NCALD: variants seen among roughly 807,000 people sequenced by gnomAD.
NCALD encodes the protein neurocalcin delta, also known as neurocalcin-delta.
NCALD carries 10 observed loss-of-function variants against 18.6 expected under a neutral mutation model. The ratio of observed to expected loss-of-function variants is 0.54; its 90% CI spans 0.33 to 0.91. The LOEUF is 0.91. Ranked by LOEUF, NCALD falls within the 40% of genes least tolerant of loss-of-function variation. NCALD has a pLI of 0.03. For missense variants in NCALD, 184 were observed against 247.6 expected, an observed-to-expected ratio of 0.74 and a Z score of 1.72; for synonymous variants, 88 against 87.4, an observed-to-expected ratio of 1.01 and a Z score of -0.04.
chr8:102,018,501 C>T (rs1400496274), intron 2 of NCALD, among the ~76,000 whole-genome samples: 1 of 152,014 alleles, frequency 6.6e-6, no homozygotes, highest in Non-Finnish European at 1.5e-5. Flanking sequence ...ACAAAGGCCA[C>T]GTAGTATGTG....
chr8:101,815,105 A>G (rs1026204628), intron 4 of NCALD, among the ~76,000 whole-genome samples: 1 of 152,120 alleles, frequency 6.6e-6, no homozygotes, highest in African/African-American at 2.4e-5. Flanking sequence ...TTTAGTGGAT[A>G]TTGACAAACT....
In NCALD at chr8:101,796,544, A is replaced by C. The variant is rs1812645617; in HGVS notation, c.-19-76896T>G. 2.0e-5 allele frequency among the ~76,000 whole-genome samples: 3 copies of C among 152,342 alleles called. 1 individual carries two copies. The Middle Eastern group carries it at 0.01, about 518-fold the overall frequency. On this transcript the variant is annotated intron_variant, in intron 4 of 6. Coordinates refer to the NCALD transcript ENST00000311028. The stretch of plus-strand genomic sequence containing the variant: ...ACTAAAAAATACAATGGAAGGTAAA[A>C]GTACAATAGATGGGTTTAAGAGCAG...
At chr8:102,064,483 A>G (rs1245101251) in intron 1 of NCALD, among the ~76,000 whole-genome samples, 3 of 152,212 alleles carry the variant, frequency 2.0e-5, no homozygotes, top group African/African-American at 7.2e-5. Context: ...AAGTACACCA[A>G]ATACAAATAA....
At chr8:102,077,406 A>T (rs895385994) in intron 1 of NCALD, among the ~76,000 whole-genome samples, 4 of 152,130 alleles carry the variant, frequency 2.6e-5, no homozygotes. Context: ...GAAAAGTAGG[A>T]AGAAATCCTG....
At chr8:102,036,131 A>AAATAAATT (rs1295323330) in intron 1 of NCALD, among the ~76,000 whole-genome samples, 56 of 150,024 alleles carry the variant, frequency 3.7e-4, no homozygotes, top group East Asian at 5.9e-4. Flanking sequence ...CTACAAAAAT[A>AAATAAATT]AATAAATAAA....
chr8:101,940,542 T>C (rs932345325), intron 2 of NCALD, among the ~76,000 whole-genome samples: 5 of 152,136 alleles, frequency 3.3e-5, no homozygotes, highest in Admixed American at 3.3e-4. Context: ...CCCACATCTG[T>C]CTAATCTTCA....
At chr8:101,941,535 T>C (rs953736418) in intron 2 of NCALD, among the ~76,000 whole-genome samples, 1 of 152,238 alleles carries the variant, frequency 6.6e-6, no homozygotes, top group Non-Finnish European at 1.5e-5. Context: ...ATTCATTCAT[T>C]CACTATATGT....
At chr8:102,064,599 C>T (rs1044370571) in intron 1 of NCALD, among the ~76,000 whole-genome samples, 8 of 152,176 alleles carry the variant, frequency 5.3e-5, no homozygotes, top group Non-Finnish European at 1.2e-4. Context: ...TGATGCAGGT[C>T]CAAAACAAAC....
chr8:101,951,833 G>T (rs776223251), intron 2 of NCALD, among the ~76,000 whole-genome samples: 3 of 152,130 alleles, frequency 2.0e-5, no homozygotes, highest in African/African-American at 4.8e-5. Context: ...TCCTGCTTCA[G>T]ACTGTCCCTC....
Position 101,689,005 on chromosome 8 carries a change from G to T in NCALD, c.*304C>A. 1 of 690,988 alleles carries T rather than the reference G, an allele frequency of 1.4e-6. No homozygotes were observed. Among genetic ancestry groups the T allele is most frequent in the Non-Finnish European group, 2.6e-6 (1 of 380,278 alleles). The allele number at this position is 690,988 out of a possible 1,614,324, so 42.8% of individuals were successfully genotyped here. On this transcript the variant is annotated 3_prime_UTR_variant, in exon 4 of 4. Coordinates refer to ENST00000220931, the MANE Select transcript of NCALD (RefSeq NM_032041.3). The surrounding 1 kb of genome is among the most constrained non-coding windows in gnomAD (Gnocchi z 4.4). ...TTTCCCTTCTTTTGCCCCAACCCCC[G>T]AGTCTTACGTTTTAGAACAGAGACA...
rs1024962133 is a variant in NCALD, at chr8:101,687,162, G to A, written c.*2147C>T. On this transcript the variant is annotated 3_prime_UTR_variant, in exon 4 of 4. Transcript: ENST00000220931. ...AGGAACAGAGTGGGTCTGGCTCAGC[G>A]AGATGTCATGACTAAGGGCAGAGCC... 1 of 152,284 alleles carries A rather than the reference G, an allele frequency of 6.6e-6. No individual in the cohort carries two copies. The highest frequency in any genetic ancestry group is 1.5e-5 in the Non-Finnish European group (1 of 68,052). The allele number at this position is 152,284 out of a possible 1,614,324, so 9.4% of individuals were successfully genotyped here. A position where few individuals can be genotyped will look rare whatever the true frequency, so the allele number is the denominator to read the frequency against.
chr8:101,953,457 C>A (rs139611734), intron 2 of NCALD, among the ~76,000 whole-genome samples: 135 of 152,326 alleles, frequency 8.9e-4, no homozygotes, highest in Middle Eastern at 3.4e-3. Context: ...CAAAAATCTA[C>A]CTTGCACTAA....
chr8:102,029,455 C>A (rs74504905), intron 1 of NCALD, among the ~76,000 whole-genome samples: 147 of 152,274 alleles, frequency 9.7e-4, no homozygotes, highest in Middle Eastern at 3.4e-3. Flanking sequence ...TCGATATTAC[C>A]TAGCCTGCAA....
intron 1 of NCALD, among the ~76,000 whole-genome samples, chr8:102,118,126 T>C (rs1825844280): frequency 1.3e-5 from 2 of 152,236 alleles, no homozygotes; most frequent in Admixed American, 1.3e-4. Context: ...CTGTGGCTAG[T>C]TTGGCCAATT....
At chr8:102,046,849 T>G (rs570555375) in intron 1 of NCALD, among the ~76,000 whole-genome samples, 2 of 151,484 alleles carry the variant, frequency 1.3e-5, no homozygotes, top group African/African-American at 4.8e-5. Flanking sequence ...CATATGAAGG[T>G]TTGTTACATA....
intron 1 of NCALD, among the ~76,000 whole-genome samples, chr8:102,052,809 C>T (rs1047968798): frequency 2.0e-5 from 3 of 152,216 alleles, no homozygotes; most frequent in African/African-American, 2.4e-5. Flanking sequence ...ACAGAGAAGA[C>T]ACAAATGAAT....
chr8:101,910,903 C>T (rs905962293), intron 3 of NCALD, among the ~76,000 whole-genome samples: 1 of 152,206 alleles, frequency 6.6e-6, no homozygotes, highest in African/African-American at 2.4e-5. Flanking sequence ...TAGCCCTGAT[C>T]AACAATCACT....
chr8:101,970,640 A>G lies in NCALD; in HGVS notation c.-157+49597T>C, dbSNP rs548219327. Among the ~76,000 whole-genome samples the G allele has an allele frequency of 2.8e-4, 42 of 152,368 alleles. No homozygotes were observed. The South Asian group carries it at 8.3e-3, about 30-fold the overall frequency. On this transcript the variant is annotated intron_variant, in intron 2 of 6. Coordinates refer to the NCALD transcript ENST00000311028. ...GAAACTAGGCTGCTCCTAGGAAAGCATATGACAGAATTCTGCTTCTATCAT... is the reference window on the plus strand; with the variant it reads ...GAAACTAGGCTGCTCCTAGGAAAGCGTATGACAGAATTCTGCTTCTATCAT...
intron 1 of NCALD, among the ~76,000 whole-genome samples, chr8:102,077,927 C>T (rs1305955207): frequency 1.3e-5 from 2 of 152,294 alleles, no homozygotes; most frequent in African/African-American, 4.8e-5. Context: ...ATTCTAGCTA[C>T]ACCTCTGGCA....
Sources: allele counts gnomAD v4.1 joint callset (sites outside exome capture counted in the v4.1 genomes callset), GRCh38; gene constraint gnomAD v4.1.1; non-coding constraint Gnocchi (gnomAD v3.1); transcripts MANE v1.5; gene names NCBI Gene and HGNC (gene_info 2026-07-23, HGNC 2026-07-21).